The following ZNF3 variants were observed in gnomAD, a reference collection of about 807,000 sequenced individuals.
ZNF3 encodes the protein C2-H2 type zinc finger protein.
In ZNF3, 16 loss-of-function variants were observed where a neutral mutation model predicts 36.9. The observed-to-expected ratio is 0.43, with a 90% confidence interval of 0.29 to 0.66. The LOEUF is 0.66. Ranked by LOEUF, ZNF3 falls within the 30% of genes least tolerant of loss-of-function variation. The pLI is 0.13. For missense variants in ZNF3, 462 were observed against 543.1 expected, an observed-to-expected ratio of 0.85 and a Z score of 1.48; for synonymous variants, 201 against 201.9, an observed-to-expected ratio of 1.00 and a Z score of 0.04.
downstream of ZNF3, among the ~76,000 whole-genome samples, chr7:100,066,281 A>G (rs1792645308): frequency 6.6e-6 from 1 of 152,160 alleles, no homozygotes; most frequent in Non-Finnish European, 1.5e-5. Context: ...CTGTGGGTCA[A>G]GACACCCTAG....
At chr7:100,075,025 T>G in intron 5 of ZNF3, 110 bp downstream of exon 5, 4 of 1,403,432 alleles carry the variant, frequency 2.9e-6, no homozygotes, top group Non-Finnish European at 3.8e-6. Context: ...CCATTGCACC[T>G]CAAAAAAAAA....
downstream of ZNF3, among the ~76,000 whole-genome samples, chr7:100,067,151 C>T (rs1233230089): frequency 2.0e-5 from 3 of 152,200 alleles, no homozygotes; most frequent in Non-Finnish European, 1.5e-5. Context: ...CCAGTCATCC[C>T]ATTAATAACA....
intron 3 of ZNF3, 122 bp downstream of exon 3, chr7:100,077,181 G>T: frequency 8.2e-7 from 1 of 1,224,280 alleles, no homozygotes; most frequent in Non-Finnish European, 1.2e-6. Flanking sequence ...ACTGAATGGC[G>T]AAGAGTGTGT....
chr7:100,072,226 AAAT>A lies in ZNF3; in HGVS notation c.272-17_272-15del. 1 of 1,551,546 alleles carries A rather than the reference AAAT, an allele frequency of 6.4e-7. No homozygotes were observed. The highest frequency in any genetic ancestry group is 8.7e-7 in the Non-Finnish European group (1 of 1,152,872). On this transcript the variant is annotated splice_polypyrimidine_tract_variant and intron_variant, in intron 5 of 5. Coordinates refer to ENST00000299667, the MANE Select transcript of ZNF3 (RefSeq NM_032924.5). Reference sequence around the variant, plus strand: ...TGGTCTCACGATCTGACACAATAAAAAATGCAAATGTCACTTGTTCCTTAGGGA... The same window carrying A: ...TGGTCTCACGATCTGACACAATAAAAGCAAATGTCACTTGTTCCTTAGGGA...
chr7:100,082,328 A>C (rs1186153554), upstream of ZNF3: 1 of 152,496 alleles, frequency 6.6e-6, no homozygotes, highest in Non-Finnish European at 1.5e-5. Flanking sequence ...TCACGCCTGT[A>C]ATCCCAGCAC....
At chr7:100,075,741 C>CCT in intron 3 of ZNF3, 111 bp from the exon 4 acceptor site, 1 of 925,310 alleles carries the variant, frequency 1.1e-6, no homozygotes, top group South Asian at 1.5e-5. Flanking sequence ...AACACAGGAC[C>CCT]CTCTCTCTCA....
chr7:100,077,253 A>T (rs1401194454), intron 3 of ZNF3, 50 bp downstream of exon 3: 1 of 1,611,834 alleles, frequency 6.2e-7, no homozygotes, highest in African/African-American at 1.3e-5. Flanking sequence ...ATTTCAATGG[A>T]TGATTGCAGA....
At chr7:100,080,073 A>G (rs1474976368) in intron 1 of ZNF3, among the ~76,000 whole-genome samples, 1 of 152,204 alleles carries the variant, frequency 6.6e-6, no homozygotes, top group Non-Finnish European at 1.5e-5. Context: ...ATGCTAATAA[A>G]TACCAATTAA....
chr7:100,064,202 A>C (rs1258466089), exon 6 of ZNF3: 2 of 1,614,104 alleles, frequency 1.2e-6, no homozygotes, highest in Admixed American at 3.3e-5. Context: ...TATGACTGTA[A>C]GTGTGGAAAA....
chr7:100,075,570 G>A lies in ZNF3; in HGVS notation c.116C>T (p.Ala39Val), dbSNP rs747354892. The change falls in exon 4 of 6, where the codon GCG (alanine) becomes GTG (valine). Residue 39 changes from alanine (A) to valine (V), a missense_variant. Coordinates refer to ENST00000299667, the MANE Select transcript of ZNF3 (RefSeq NM_032924.5). ...DKDSLGDEMLAAALLKAKSQE... is the reference protein window; with the variant it reads ...DKDSLGDEMLVAALLKAKSQE... ...GGACTTGGCCTTTAGGAGCGCAGCC[G>A]CCAACATCTCATCCCCCAGGCTGTC... 1.4e-5 allele frequency: 23 copies of A among 1,614,098 alleles called. No individual in the cohort carries two copies. Among genetic ancestry groups the A allele is most frequent in the South Asian group, 6.6e-5 (6 of 91,076 alleles).
intron 5 of ZNF3, among the ~76,000 whole-genome samples, chr7:100,073,309 T>C (rs13232115): frequency 0.25 from 37,926 of 152,118 alleles, 4,955 homozygotes; most frequent in East Asian, 0.41. Context: ...CAAGGAATTC[T>C]ACATCCTAAA....
downstream of ZNF3, among the ~76,000 whole-genome samples, chr7:100,069,456 G>A (rs559282684): frequency 2.2e-3 from 332 of 151,856 alleles, 1 homozygote; most frequent in Non-Finnish European, 2.1e-3. Flanking sequence ...AGAGACTGAG[G>A]CACGGGAAGT....
rs1293307801 is a variant in ZNF3 at position 100,077,316 on chromosome 7, G to T, written c.42C>A (p.Ala14=). 2.5e-6 allele frequency: 4 copies of T among 1,613,906 alleles called. No individual in the cohort carries two copies. In the South Asian group the frequency reaches 4.4e-5, roughly 18 times the overall value. Residue 14 remains alanine (A), a synonymous_variant, in exon 3 of 6, where the codon GCC becomes GCA. Transcript: ENST00000299667. The part of the protein sequence containing the change: ...QADLVSQEPQ[A]LLDSALPSKV... Reference sequence around the variant, plus strand: ...CTTATTCCTCACCACTGTCAAGCAGGGCCTGAGGTTCCTGAGATACGAGAT... The same window carrying T: ...CTTATTCCTCACCACTGTCAAGCAGTGCCTGAGGTTCCTGAGATACGAGAT...
Position 100,070,944 on chromosome 7 carries a change from G to A in ZNF3, c.*199C>T. On this transcript the variant is annotated 3_prime_UTR_variant, in exon 6 of 6. Transcript: ENST00000299667. ...GTCCCAGAGCTGCTTTCTATTCCCA[G>A]CACGCCATCCACTTGCCTTGACGCT... is the stretch of plus-strand genomic sequence containing the variant. 7.3e-7 allele frequency: 1 copy of A among 1,370,736 alleles called. No homozygotes were observed. The highest frequency in any genetic ancestry group is 3.4e-5 in the Admixed American group (1 of 29,290). The allele number at this position is 1,370,736 out of a possible 1,614,324, so 84.9% of individuals were successfully genotyped here.
At chr7:100,068,511 A>G (rs1178474811), downstream of ZNF3, among the ~76,000 whole-genome samples, 4 of 151,828 alleles carry the variant, frequency 2.6e-5, no homozygotes, top group East Asian at 7.9e-4. Context: ...GTTGTCTATT[A>G]AAAATACAAA....
rs948372224 is a variant in ZNF3, at chr7:100,070,644, A to C, written c.*499T>G. The C allele has an allele frequency of 2.8e-5, 28 of 989,882 alleles. No individual in the cohort carries two copies. The Admixed American group carries it at 1.4e-3, about 51-fold the overall frequency. 61.3% of individuals were successfully genotyped at this position (989,882 alleles called of 1,614,324 possible). On this transcript the variant is annotated 3_prime_UTR_variant, in exon 6 of 6. Coordinates refer to ENST00000299667, the MANE Select transcript of ZNF3 (RefSeq NM_032924.5). Reference sequence around the variant, plus strand: ...AATCCCTCAATGCCAAATTTCCATAATTAACGAAATCATGAAACAAAACAG... The same window carrying C: ...AATCCCTCAATGCCAAATTTCCATACTTAACGAAATCATGAAACAAAACAG...
At chr7:100,078,115 C>T (rs928200410) in intron 2 of ZNF3, among the ~76,000 whole-genome samples, 4 of 152,166 alleles carry the variant, frequency 2.6e-5, no homozygotes, top group African/African-American at 9.7e-5. Flanking sequence ...AGTTCCTCAA[C>T]AATATCCCGC....
rs140165927 is a variant in ZNF3, at chr7:100,070,441, C to T, written c.*702G>A. On this transcript the variant is annotated 3_prime_UTR_variant, in exon 6 of 6. Coordinates refer to ENST00000299667, the MANE Select transcript of ZNF3 (RefSeq NM_032924.5). ...TGACCCTCTCCCTCACAGCCGGTTA[C>T]TAGCTGTTTGGACAGATTTGCCCAT... 1.0e-6 allele frequency: 1 copy of T among 985,544 alleles called. No individual in the cohort carries two copies. The highest frequency in any genetic ancestry group is 1.2e-6 in the Non-Finnish European group (1 of 830,022). The allele number at this position is 985,544 out of a possible 1,614,324, so 61.0% of individuals were successfully genotyped here.
intron 4 of ZNF3, 118 bp from the exon 5 acceptor site, chr7:100,075,379 G>A (rs1305417773): frequency 6.3e-7 from 1 of 1,575,618 alleles, no homozygotes; most frequent in Non-Finnish European, 8.7e-7. Context: ...AGGGAGGACA[G>A]GGTGGAGGAA....
Sources: allele counts gnomAD v4.1 joint callset (sites outside exome capture counted in the v4.1 genomes callset), GRCh38; gene constraint gnomAD v4.1.1; transcripts MANE v1.5; gene names NCBI Gene and HGNC (gene_info 2026-07-23, HGNC 2026-07-21).